The following ABCA13 variants were observed in gnomAD, a reference collection of about 807,000 sequenced individuals.
The protein encoded by ABCA13 is ATP-binding cassette sub-family A member 13.
Under a neutral mutation model 478.7 loss-of-function variants are expected in ABCA13, and 476 were observed. That is an observed-to-expected ratio of 0.99 (90% CI 0.92 to 1.07). The LOEUF (loss-of-function observed/expected upper bound fraction) is 1.07, where lower values mean the gene tolerates loss of function less well. Among genes scored for constraint, ABCA13 ranks in the 50% least tolerant of loss-of-function variants. The pLI, the probability that ABCA13 is intolerant of heterozygous loss-of-function variation, is 0.00. For synonymous variants in ABCA13, 2,252 were observed against 2,158.9 expected, an observed-to-expected ratio of 1.04 and a Z score of -1.20; for missense variants, 6,060 against 5,910.6, an observed-to-expected ratio of 1.03 and a Z score of -0.83.
chr7:48,595,325 G>T (rs1429992799), intron 58 of ABCA13, among the ~76,000 whole-genome samples: 1 of 152,178 alleles, frequency 6.6e-6, no homozygotes, highest in African/African-American at 2.4e-5. Context: ...AGCCCACAAA[G>T]AATTACAAAT....
intron 7 of ABCA13, among the ~76,000 whole-genome samples, chr7:48,233,442 A>G (rs1237894644): frequency 6.6e-6 from 1 of 152,138 alleles, no homozygotes; most frequent in Non-Finnish European, 1.5e-5. Flanking sequence ...ATGTGTCACT[A>G]CTAGATAGTG....
Position 48,276,536 on chromosome 7 carries a change from T to C in ABCA13, c.6870T>C (p.Tyr2290=). ...ACAAAATATCTCTTCTGCTGAAATA[T>C]TTCCACAAAGATGTTATTGCAGAGA... is the stretch of plus-strand genomic sequence containing the variant. ...SENKISLLLK[Y]FHKDVIAEMS... is the part of the protein sequence containing the mutation. The change falls in exon 17 of 62, where the codon TAT becomes TAC. Residue 2290 remains tyrosine, a synonymous_variant. Coordinates refer to ENST00000435803, the MANE Select transcript of ABCA13 (RefSeq NM_152701.5). 1 of 1,611,982 alleles carries C rather than the reference T, an allele frequency of 6.2e-7. No individual in the cohort carries two copies. The highest frequency in any genetic ancestry group is 8.5e-7 in the Non-Finnish European group (1 of 1,179,584).
At chr7:48,352,104 G>C in intron 30 of ABCA13, 77 bp from the exon 31 acceptor site, 2 of 1,426,280 alleles carry the variant, frequency 1.4e-6, no homozygotes, top group Non-Finnish European at 1.9e-6. Context: ...AACTTTTCCT[G>C]TCTCACCCAG....
At chr7:48,339,023 T>A (rs1002066274) in intron 29 of ABCA13, among the ~76,000 whole-genome samples, 1 of 152,152 alleles carries the variant, frequency 6.6e-6, no homozygotes, top group Non-Finnish European at 1.5e-5. Flanking sequence ...GCTTAGAAAC[T>A]GCAACACTGT....
At chr7:48,560,452 C>T (rs1015690239) in intron 55 of ABCA13, among the ~76,000 whole-genome samples, 1 of 152,172 alleles carries the variant, frequency 6.6e-6, no homozygotes, top group Non-Finnish European at 1.5e-5. Flanking sequence ...TCTTCAGTGC[C>T]TCTTTTAGTG....
At chr7:48,490,541 T>C (rs1360114636) in intron 48 of ABCA13, among the ~76,000 whole-genome samples, 2 of 152,196 alleles carry the variant, frequency 1.3e-5, no homozygotes, top group East Asian at 3.9e-4. Flanking sequence ...GAATACAGCA[T>C]GGTTCACAGA....
At chr7:48,363,135 A>T (rs1402951698) in intron 31 of ABCA13, among the ~76,000 whole-genome samples, 1 of 152,134 alleles carries the variant, frequency 6.6e-6, no homozygotes, top group Non-Finnish European at 1.5e-5. Context: ...GAAGTTTGCC[A>T]TCTAGTAATT....
In ABCA13 at chr7:48,388,001, T is replaced by A. The variant is rs760305647; in HGVS notation, c.11473+42T>A. 3 of 1,577,852 alleles carry A rather than the reference T, an allele frequency of 1.9e-6. No individual in the cohort carries two copies. The African/African-American group carries it at 4.1e-5, about 22-fold the overall frequency. On this transcript the variant is annotated intron_variant, in intron 36 of 61. Coordinates refer to ENST00000435803, the MANE Select transcript of ABCA13 (RefSeq NM_152701.5). ...ATTATTAGATGCATGTATTTTTCCT[T>A]TGATCCATTTTGATTTTTTTTTGTT... is the stretch of plus-strand genomic sequence containing the variant.
intron 39 of ABCA13, among the ~76,000 whole-genome samples, chr7:48,407,025 T>A (rs1044649228): frequency 6.6e-6 from 1 of 152,138 alleles, no homozygotes; most frequent in Non-Finnish European, 1.5e-5. Flanking sequence ...TCTTTGGAAG[T>A]TTATTCATTT....
At chr7:48,173,396 T>G (rs183323452) in intron 1 of ABCA13, among the ~76,000 whole-genome samples, 17 of 152,346 alleles carry the variant, frequency 1.1e-4, no homozygotes, top group Admixed American at 4.6e-4. Flanking sequence ...CAATGGATGT[T>G]CAGTAAATAT....
intron 59 of ABCA13, among the ~76,000 whole-genome samples, chr7:48,638,332 C>T (rs1794847233): frequency 1.3e-5 from 2 of 152,114 alleles, no homozygotes; most frequent in Admixed American, 1.3e-4. Flanking sequence ...AAGAAAGTGA[C>T]ACATCCAGCC....
At chr7:48,632,827 G>A (rs181390720) in intron 59 of ABCA13, among the ~76,000 whole-genome samples, 3 of 152,250 alleles carry the variant, frequency 2.0e-5, no homozygotes, top group East Asian at 3.9e-4. Context: ...TTTTCAAATC[G>A]TGTTTTCAAT....
At chr7:48,600,506 G>C (rs2131474895) in intron 58 of ABCA13, among the ~76,000 whole-genome samples, 1 of 151,670 alleles carries the variant, frequency 6.6e-6, no homozygotes, top group African/African-American at 2.4e-5. Flanking sequence ...TTTCTACTTG[G>C]CAGCCTTATA....
intron 59 of ABCA13, among the ~76,000 whole-genome samples, chr7:48,623,255 A>G (rs948965916): frequency 6.6e-6 from 1 of 152,114 alleles, no homozygotes; most frequent in African/African-American, 2.4e-5. Flanking sequence ...AGTAATTTCT[A>G]ATTTCCTGAG....
At chr7:48,223,262 A>G (rs1787634420) in intron 5 of ABCA13, among the ~76,000 whole-genome samples, 1 of 152,140 alleles carries the variant, frequency 6.6e-6, no homozygotes, top group Non-Finnish European at 1.5e-5. Context: ...TGGCATTGCC[A>G]AGGAGGTTGT....
At chr7:48,445,593 G>A (rs376485021) in intron 42 of ABCA13, among the ~76,000 whole-genome samples, 5 of 152,208 alleles carry the variant, frequency 3.3e-5, no homozygotes, top group South Asian at 2.1e-4. Context: ...TCTTCAGTAC[G>A]TGATTTATTT....
chr7:48,373,180 T>C (rs1178147571), intron 33 of ABCA13, among the ~76,000 whole-genome samples: 1 of 152,128 alleles, frequency 6.6e-6, no homozygotes, highest in African/African-American at 2.4e-5. Context: ...AGTGACTTCC[T>C]AAAATTGCAG....
intron 48 of ABCA13, among the ~76,000 whole-genome samples, chr7:48,505,974 G>A (rs1831170605): frequency 1.3e-5 from 2 of 152,172 alleles, no homozygotes; most frequent in Non-Finnish European, 2.9e-5. Flanking sequence ...ATATCAGATA[G>A]TCTTCTTTGC....
chr7:48,526,418 G>A lies in ABCA13; in HGVS notation c.14245-1818G>A, dbSNP rs1350182375. Among the ~76,000 whole-genome samples the A allele has an allele frequency of 2.0e-5, 3 of 152,264 alleles. No individual in the cohort carries two copies. The East Asian group carries it at 5.8e-4, about 29-fold the overall frequency. On this transcript the variant is annotated intron_variant, in intron 54 of 61. Transcript: ENST00000435803. Reference sequence around the variant, plus strand: ...TTAAAGTTAGATTTTATTATCTTAAGCTCTTATAAGCATTACAGTTTAATT... The same window carrying A: ...TTAAAGTTAGATTTTATTATCTTAAACTCTTATAAGCATTACAGTTTAATT...
Sources: gnomAD v4.1 joint callset for allele counts (sites outside exome capture counted in the v4.1 genomes callset) on GRCh38, gnomAD v4.1.1 for gene constraint, MANE v1.5 for transcripts, NCBI Gene and HGNC (gene_info 2026-07-23, HGNC 2026-07-21) for gene names.